FHIT: variants seen among roughly 807,000 people sequenced by gnomAD.
FHIT encodes bis(5'-adenosyl)-triphosphatase.
FHIT carries 19 observed loss-of-function variants against 17.9 expected under a neutral mutation model. The ratio of observed to expected loss-of-function variants is 1.06; its 90% CI spans 0.74 to 1.56. FHIT has a LOEUF of 1.56. Ranked by LOEUF, FHIT falls within the 40% of genes most tolerant of loss-of-function variation. The pLI is 0.00. For synonymous variants in FHIT, 81 were observed against 69.7 expected, an observed-to-expected ratio of 1.16 and a Z score of -0.81; for missense variants, 248 against 189.2, an observed-to-expected ratio of 1.31 and a Z score of -1.82.
chr3:61,188,968 T>C (rs4688336), intron 2 of FHIT, among the ~76,000 whole-genome samples: 33,111 of 150,916 alleles, frequency 0.22, 4,724 homozygotes, highest in East Asian at 0.71. Flanking sequence ...AAACCCACAG[T>C]CAATATCATA....
chr3:61,196,171 G>A (rs9879191), intron 2 of FHIT, among the ~76,000 whole-genome samples: 36,534 of 151,928 alleles, frequency 0.24, 5,558 homozygotes, highest in East Asian at 0.72. Flanking sequence ...AGAGAGAGGT[G>A]AACACCAGAA....
At chr3:60,130,558 T>G (rs993037350) in intron 5 of FHIT, among the ~76,000 whole-genome samples, 4 of 152,154 alleles carry the variant, frequency 2.6e-5, no homozygotes, top group African/African-American at 9.7e-5. Flanking sequence ...TCATATCAAC[T>G]GATCTGTATT....
intron 3 of FHIT, among the ~76,000 whole-genome samples, chr3:60,825,522 G>A (rs2106788574): frequency 6.6e-6 from 1 of 152,228 alleles, no homozygotes; most frequent in Non-Finnish European, 1.5e-5. Context: ...TGGCCTGTTA[G>A]GGACCAGGCC....
Position 61,036,901 on chromosome 3 carries a change from G to GTTTTTTTTTTTTTT in FHIT, c.-111+5145_-111+5146insAAAAAAAAAAAAAA, listed in dbSNP as rs746649804. Among the ~76,000 whole-genome samples, 100 of 70,284 alleles carry GTTTTTTTTTTTTTT rather than the reference G, an allele frequency of 1.4e-3. 5 individuals carry two copies. Among genetic ancestry groups the GTTTTTTTTTTTTTT allele is most frequent in the South Asian group, 4.8e-3 (7 of 1,460 alleles). 46.1% of individuals were successfully genotyped at this position (70,284 alleles called of 152,430 possible). A position where few individuals can be genotyped will look rare whatever the true frequency, so the allele number is the denominator to read the frequency against. On this transcript the variant is annotated intron_variant, in intron 3 of 9. Transcript: ENST00000492590. ...TTCACCTCAAAGATCAGTCTGCTTT[G>GTTTTTTTTTTTTTT]TTTTTTTTTTTTGTTTGTTTGTTTT...
At chr3:60,837,096 C>T (rs1702566225) in intron 3 of FHIT, among the ~76,000 whole-genome samples, 1 of 152,092 alleles carries the variant, frequency 6.6e-6, no homozygotes, top group South Asian at 2.1e-4. Context: ...GCTGGGTCTC[C>T]AAGCTTATTC....
At chr3:60,820,067 G>C (rs1701874621) in intron 4 of FHIT, among the ~76,000 whole-genome samples, 1 of 152,064 alleles carries the variant, frequency 6.6e-6, no homozygotes, top group Non-Finnish European at 1.5e-5. Context: ...CTGCACTTTG[G>C]GTGGCTGAGG....
chr3:60,307,314 A>G (rs564538720), intron 5 of FHIT, among the ~76,000 whole-genome samples: 1 of 152,194 alleles, frequency 6.6e-6, no homozygotes, highest in Non-Finnish European at 1.5e-5. Flanking sequence ...TTTGATTTCT[A>G]TAGTTCAGCA....
rs187894640 is a variant in FHIT, at chr3:60,764,772, A to G, written c.-18+57147T>C. Among the ~76,000 whole-genome samples the G allele has an allele frequency of 9.0e-4, 135 of 150,666 alleles. 3 individuals carry two copies. In the South Asian group the frequency reaches 0.027, roughly 30 times the overall value. On this transcript the variant is annotated intron_variant, in intron 4 of 9. Coordinates refer to ENST00000492590, the MANE Select transcript of FHIT (RefSeq NM_002012.4). ...ATACAACATATAATTACATATAATT[A>G]ATATATAATAAATGTACAAATATAT... is the stretch of plus-strand genomic sequence containing the variant.
In FHIT at chr3:61,004,023, A is replaced by G. The variant is rs1003291013; in HGVS notation, c.-111+38024T>C. 1.1e-4 allele frequency among the ~76,000 whole-genome samples: 16 copies of G among 152,294 alleles called. 1 individual carries two copies. The highest frequency in any genetic ancestry group is 2.9e-4 in the African/African-American group (12 of 41,558). On this transcript the variant is annotated intron_variant, in intron 3 of 9. Transcript: ENST00000492590. The stretch of plus-strand genomic sequence containing the variant: ...AGACAGATTATTAAATAATGACTGT[A>G]CTGAGTGTCTACTAAGCACAGTGGT...
Position 60,196,085 on chromosome 3 carries a change from G to A in FHIT, c.104-181933C>T, listed in dbSNP as rs75349265. 3.0e-3 allele frequency among the ~76,000 whole-genome samples: 455 copies of A among 152,214 alleles called. 2 individuals are homozygous for A. Among genetic ancestry groups the A allele is most frequent in the African/African-American group, 0.01 (430 of 41,502 alleles). On this transcript the variant is annotated intron_variant, in intron 5 of 9. Transcript: ENST00000492590. ...ACAGTTTTAATCAACCAGTTACTGA[G>A]GATGGACATATTAGTTTATTATTGC...
At chr3:59,876,841 G>C (rs1221660911) in intron 8 of FHIT, among the ~76,000 whole-genome samples, 1 of 152,164 alleles carries the variant, frequency 6.6e-6, no homozygotes, top group East Asian at 1.9e-4. Context: ...ACTTCTTCTT[G>C]GGAAGCTAAT....
chr3:60,359,972 C>T lies in FHIT; in HGVS notation c.103+176888G>A, dbSNP rs561509718. Among the ~76,000 whole-genome samples, 824 of 141,192 alleles carry T rather than the reference C, an allele frequency of 5.8e-3. 4 individuals carry two copies. Among genetic ancestry groups the T allele is most frequent in the South Asian group, 0.025 (107 of 4,346 alleles). The allele number at this position is 141,192 out of a possible 152,430, so 92.6% of individuals were successfully genotyped here. On this transcript the variant is annotated intron_variant, in intron 5 of 9. Transcript: ENST00000492590. ...TTATGCAAACACTAGAACACTAGGA[C>T]ATTCAAGACTTTTTTTTTTTTTTTC...
intron 5 of FHIT, among the ~76,000 whole-genome samples, chr3:60,093,854 G>A (rs906776206): frequency 6.6e-6 from 1 of 152,186 alleles, no homozygotes; most frequent in African/African-American, 2.4e-5. Flanking sequence ...GGTCCCTGGT[G>A]TCCTAAAGGT....
At chr3:60,489,151 A>G (rs2033963085) in intron 5 of FHIT, among the ~76,000 whole-genome samples, 2 of 149,406 alleles carry the variant, frequency 1.3e-5, no homozygotes, top group African/African-American at 4.9e-5. Flanking sequence ...AAATACTATT[A>G]TTATTTCTCT....
chr3:60,376,770 G>GT (rs1454866398), intron 5 of FHIT, among the ~76,000 whole-genome samples: 1 of 152,058 alleles, frequency 6.6e-6, no homozygotes, highest in Non-Finnish European at 1.5e-5. Flanking sequence ...GCTCTATAAT[G>GT]TTATTCTCTG....
At chr3:60,804,116 C>A (rs1701298936) in intron 4 of FHIT, among the ~76,000 whole-genome samples, 1 of 152,150 alleles carries the variant, frequency 6.6e-6, no homozygotes, top group Non-Finnish European at 1.5e-5. Flanking sequence ...TTTCATAACC[C>A]TGTCCTAGGC....
intron 5 of FHIT, among the ~76,000 whole-genome samples, chr3:60,155,736 T>A (rs1700659850): frequency 6.6e-6 from 1 of 152,182 alleles, no homozygotes; most frequent in Admixed American, 6.5e-5. Context: ...CCACGTTGAC[T>A]CCATGCGTTA....
chr3:60,889,671 T>C (rs1705410595), intron 3 of FHIT, among the ~76,000 whole-genome samples: 1 of 152,170 alleles, frequency 6.6e-6, no homozygotes. Flanking sequence ...CCTATAGCTG[T>C]ATGGGTGGTT....
intron 4 of FHIT, among the ~76,000 whole-genome samples, chr3:60,635,833 C>A (rs2039570450): frequency 6.6e-6 from 1 of 152,082 alleles, no homozygotes; most frequent in African/African-American, 2.4e-5. Context: ...GGGCAGACAG[C>A]AAGTATTTTT....
Sources: allele counts gnomAD v4.1 joint callset (sites outside exome capture counted in the v4.1 genomes callset), GRCh38; gene constraint gnomAD v4.1.1; transcripts MANE v1.5; gene names NCBI Gene and HGNC (gene_info 2026-07-23, HGNC 2026-07-21).